The following HDAC4 variants were observed in gnomAD, a reference collection of about 807,000 sequenced individuals.
The protein encoded by HDAC4 is histone deacetylase A.
HDAC4 carries 16 observed loss-of-function variants against 135.1 expected under a neutral mutation model. The observed-to-expected ratio is 0.12, with a 90% CI of 0.08 to 0.18. The LOEUF is 0.18. Among genes scored for constraint, HDAC4 ranks in the 10% least tolerant of loss-of-function variants. The pLI is 1.00. For synonymous variants in HDAC4, 685 were observed against 653.4 expected, an observed-to-expected ratio of 1.05 and a Z score of -0.74; for missense variants, 1,143 against 1,511.8, an observed-to-expected ratio of 0.76 and a Z score of 4.05.
Position 239,303,470 on chromosome 2 carries a change from G to A in HDAC4, c.22+49208C>T, listed in dbSNP as rs1483306695. On this transcript the variant is annotated intron_variant, in intron 2 of 26. Transcript: ENST00000543185. The surrounding 1 kb of genome is among the most constrained non-coding windows in gnomAD (Gnocchi z 5.1). ...TGCGAGAGCGTCACAAGCACCCCAC[G>A]AACAAGACACGGCAGCGTGCTTCCT... Among the ~76,000 whole-genome samples, 1 of 151,960 alleles carries A rather than the reference G, an allele frequency of 6.6e-6. No individual in the cohort carries two copies. The highest frequency in any genetic ancestry group is 6.6e-5 in the Admixed American group (1 of 15,264).
Position 239,049,892 on chromosome 2 carries a change from G to GC in HDAC4, c.*3204dup, listed in dbSNP as rs1367142991. The GC allele has an allele frequency of 1.3e-5, 2 of 152,570 alleles. No individual in the cohort carries two copies. Among genetic ancestry groups the GC allele is most frequent in the African/African-American group, 4.8e-5 (2 of 41,464 alleles). The allele number at this position is 152,570 out of a possible 1,614,324, so 9.5% of individuals were successfully genotyped here. On this transcript the variant is annotated 3_prime_UTR_variant, in exon 27 of 27. Transcript: ENST00000543185. ...AGGGCAGACGCCAAGAGGCCCAGTG[G>GC]CGTCATCAGGGTTTCCCTCAAAGGG...
At chr2:239,302,382 C>T (rs2052317267) in intron 2 of HDAC4, among the ~76,000 whole-genome samples, 1 of 152,256 alleles carries the variant, frequency 6.6e-6, no homozygotes, top group African/African-American at 2.4e-5. Flanking sequence ...AGAACTAGCA[C>T]TAGAGTTGCC....
intron 2 of HDAC4, among the ~76,000 whole-genome samples, chr2:239,266,820 C>T (rs968581455): frequency 4.6e-5 from 7 of 152,256 alleles, no homozygotes; most frequent in South Asian, 2.1e-4. Context: ...ACAAGGCACC[C>T]GCTTGGCCTC....
At chr2:239,094,368 G>A (rs950775035) in intron 17 of HDAC4, 2 of 985,334 alleles carry the variant, frequency 2.0e-6, no homozygotes, top group Non-Finnish European at 2.4e-6. Context: ...AGACTGGAAA[G>A]TCCTTGTGAA....
chr2:239,107,498 A>G (rs1367707346), intron 15 of HDAC4, among the ~76,000 whole-genome samples: 1 of 152,212 alleles, frequency 6.6e-6, no homozygotes, highest in African/African-American at 2.4e-5. Flanking sequence ...CTGCAGCTCC[A>G]TTCCCTTCAC....
chr2:239,224,309 T>C (rs1575454845), intron 3 of HDAC4, among the ~76,000 whole-genome samples: 2 of 152,310 alleles, frequency 1.3e-5, no homozygotes, highest in East Asian at 3.9e-4. Flanking sequence ...TCCCAGACCC[T>C]GGTGGGTCTC....
In HDAC4 at chr2:239,306,796, G is replaced by C. The variant is rs1186538270; in HGVS notation, c.22+45882C>G. Among the ~76,000 whole-genome samples the C allele has an allele frequency of 6.6e-6, 1 of 152,120 alleles. No homozygotes were observed. The highest frequency in any genetic ancestry group is 1.9e-4 in the East Asian group (1 of 5,168). ...AGGACCCCACCCCAGCCAACAACCG[G>C]GAGACCCTGGCCTGGTTTCCCACAC... On this transcript the variant is annotated intron_variant, in intron 2 of 26. Transcript: ENST00000543185. This position sits in a 1 kb window ranked among gnomAD's most constrained non-coding sequence, Gnocchi z 4.5.
Position 239,245,657 on chromosome 2 carries a change from C to T in HDAC4, c.23-8993G>A, listed in dbSNP as rs148048764. Among the ~76,000 whole-genome samples, 3 of 152,150 alleles carry T rather than the reference C, an allele frequency of 2.0e-5. No individual in the cohort carries two copies. Among genetic ancestry groups the T allele is most frequent in the Admixed American group, 1.3e-4 (2 of 15,282 alleles). ...ATGGAGAGCCTCAGGGATTTCCTGG[C>T]GGGAGGTGGCTGTGGGCACTCGCTC... On this transcript the variant is annotated intron_variant, in intron 2 of 26. Transcript: ENST00000543185. The surrounding 1 kb of genome is among the most constrained non-coding windows in gnomAD (Gnocchi z 4.4).
At chr2:239,184,338 G>A (rs929664484) in intron 4 of HDAC4, among the ~76,000 whole-genome samples, 23 of 145,430 alleles carry the variant, frequency 1.6e-4, no homozygotes, top group Non-Finnish European at 1.7e-4. Flanking sequence ...TGGTGGGGGG[G>A]TCCCTCAGTG....
rs1397456150 is a variant in HDAC4, at chr2:239,190,016, G to A, written c.156C>T (p.Arg52=). The A allele has an allele frequency of 1.0e-5, 16 of 1,605,228 alleles. No individual in the cohort carries two copies. Among genetic ancestry groups the A allele is most frequent in the Non-Finnish European group, 1.4e-5 (16 of 1,179,860 alleles). ...VAPSAVPMDL[R]LDHQFSLPVA... ...CAGGCAGTGAGAACTGGTGGTCCAG[G>A]CGCAGGTCCATGGGCACTGCCGAGG... Residue 52 remains arginine, a synonymous_variant, in exon 4 of 27, where the codon CGC becomes CGT. Transcript: ENST00000543185.
intron 2 of HDAC4, among the ~76,000 whole-genome samples, chr2:239,278,223 G>A (rs1472486688): frequency 6.6e-6 from 1 of 150,908 alleles, no homozygotes; most frequent in African/African-American, 2.4e-5. Context: ...AAAGCATCAA[G>A]CCAAGTGGGG....
At chr2:239,328,087 C>T (rs1210564832) in intron 2 of HDAC4, among the ~76,000 whole-genome samples, 1 of 152,232 alleles carries the variant, frequency 6.6e-6, no homozygotes, top group African/African-American at 2.4e-5. Context: ...GAAAGCCACA[C>T]ATTCCCACCA....
chr2:239,350,538 T>C (rs1693063920), intron 2 of HDAC4, among the ~76,000 whole-genome samples: 1 of 152,090 alleles, frequency 6.6e-6, no homozygotes, highest in Admixed American at 6.5e-5. Flanking sequence ...GGAGTCTTGC[T>C]CTGTCGCCAG....
At chr2:239,079,993 C>T (rs2035147468) in intron 22 of HDAC4, among the ~76,000 whole-genome samples, 1 of 148,732 alleles carries the variant, frequency 6.7e-6, no homozygotes, top group South Asian at 2.1e-4. Flanking sequence ...TGCAGACATG[C>T]ACATGGCTGT....
chr2:239,264,446 T>C (rs750028350), intron 2 of HDAC4, among the ~76,000 whole-genome samples: 4 of 152,228 alleles, frequency 2.6e-5, no homozygotes, highest in African/African-American at 4.8e-5. Flanking sequence ...AGACTACACA[T>C]GAAGGTCGCT....
intron 24 of HDAC4, among the ~76,000 whole-genome samples, chr2:239,062,355 CTGTG>C (rs1214613667): frequency 1.3e-5 from 2 of 152,252 alleles, no homozygotes; most frequent in African/African-American, 4.8e-5. Flanking sequence ...GCGGCCCCGC[CTGTG>C]TGTGCCAGAT....
chr2:239,345,799 T>C (rs1414980931), intron 2 of HDAC4, among the ~76,000 whole-genome samples: 2 of 114,784 alleles, frequency 1.7e-5, no homozygotes, highest in African/African-American at 6.7e-5. Flanking sequence ...ATACACACCC[T>C]AACACACATA....
At chr2:239,120,211 T>A (rs1487193436) in intron 12 of HDAC4, among the ~76,000 whole-genome samples, 2 of 152,184 alleles carry the variant, frequency 1.3e-5, no homozygotes, top group East Asian at 3.9e-4. Context: ...ACTGGAGCAG[T>A]ACGCAGGTGG....
chr2:239,270,312 A>G (rs2049988874), intron 2 of HDAC4, among the ~76,000 whole-genome samples: 1 of 152,210 alleles, frequency 6.6e-6, no homozygotes, highest in Admixed American at 6.5e-5. Context: ...GAGCAAGCCG[A>G]AAGAACTCGC....
Sources: allele counts gnomAD v4.1 joint callset (sites outside exome capture counted in the v4.1 genomes callset), GRCh38; gene constraint gnomAD v4.1.1; non-coding constraint Gnocchi (gnomAD v3.1); transcripts MANE v1.5; gene names NCBI Gene and HGNC (gene_info 2026-07-23, HGNC 2026-07-21).